Variants in ERICH3 observed in about 807,000 individuals in gnomAD.
ERICH3 encodes glutamate-rich protein 3.
A neutral mutation model predicts 131.1 loss-of-function variants in ERICH3; 126 were observed. That is an observed-to-expected ratio of 0.96 (90% CI 0.83 to 1.11). ERICH3 has a LOEUF of 1.11. Ranked by LOEUF, ERICH3 falls within the 50% of genes most tolerant of loss-of-function variation. The pLI, the probability that ERICH3 is intolerant of heterozygous loss-of-function variation, is 0.00. For synonymous variants in ERICH3, 695 were observed against 644.6 expected (o/e 1.08, Z -1.18); for missense variants, 2,050 against 1,810.7 (o/e 1.13, Z -2.40).
In ERICH3 at chr1:74,612,786, T is replaced by G; in HGVS notation, c.1024A>C (p.Arg342=). 6.3e-7 allele frequency: 1 copy of G among 1,585,000 alleles called. No individual in the cohort carries two copies. Among genetic ancestry groups the G allele is most frequent in the Non-Finnish European group, 8.6e-7 (1 of 1,157,718 alleles). The change falls in exon 9 of 15, where the codon AGG becomes CGG. Residue 342 remains arginine, a synonymous_variant. Transcript: ENST00000326665. ...AGACTGAAGGGGAAACCATGATGCC[T>G]TTTGGAAATAAACTGAAAGGTCTCT... is the stretch of plus-strand genomic sequence containing the variant. The part of the protein sequence containing the change: ...EKETFQFISK[R]HHGFPFSLTF...
At chr1:74,648,473 G>A (rs920980451) in intron 2 of ERICH3, among the ~76,000 whole-genome samples, 5 of 152,080 alleles carry the variant, frequency 3.3e-5, no homozygotes, top group Non-Finnish European at 7.4e-5. Flanking sequence ...GTCTGATAAC[G>A]AATCCTCAGG....
intron 1 of ERICH3, among the ~76,000 whole-genome samples, chr1:74,668,646 T>C (rs573946687): frequency 6.6e-6 from 1 of 152,266 alleles, no homozygotes; most frequent in Non-Finnish European, 1.5e-5. Context: ...TCTACTTACA[T>C]GAACATGTTT....
chr1:74,624,598 C>G (rs1174670121), intron 7 of ERICH3: 1 of 152,138 alleles, frequency 6.6e-6, no homozygotes, highest in Non-Finnish European at 1.5e-5. Flanking sequence ...CACCTCAATC[C>G]TTACAGAGGC....
At chr1:74,583,515 C>T (rs983686920) in intron 12 of ERICH3, among the ~76,000 whole-genome samples, 9 of 151,946 alleles carry the variant, frequency 5.9e-5, no homozygotes, top group Admixed American at 3.3e-4. Flanking sequence ...CTCTGTCTGT[C>T]TTATTATACT....
intron 5 of ERICH3, among the ~76,000 whole-genome samples, chr1:74,640,750 A>G (rs1414057694): frequency 1.3e-5 from 2 of 152,156 alleles, no homozygotes; most frequent in Non-Finnish European, 2.9e-5. Context: ...TGTACATTTA[A>G]TTATTTTTAT....
In ERICH3 at chr1:74,568,731, G is replaced by C. The variant is rs887154330; in HGVS notation, c.*1727C>G. 1 of 152,166 alleles carries C rather than the reference G, an allele frequency of 6.6e-6. No individual in the cohort carries two copies. Among genetic ancestry groups the C allele is most frequent in the Admixed American group, 6.5e-5 (1 of 15,270 alleles). The allele number at this position is 152,166 out of a possible 1,614,324, so 9.4% of individuals were successfully genotyped here. On this transcript the variant is annotated 3_prime_UTR_variant, in exon 15 of 15. Transcript: ENST00000326665. ...ACAGATAAATCAGAAGACAGGAAAA[G>C]ACAGAGAGACATAGAGAGGCAAAGA...
chr1:74,589,348 G>A, intron 12 of ERICH3: 1 of 540,196 alleles, frequency 1.9e-6, no homozygotes. Flanking sequence ...CACATACTGT[G>A]CTTTATTTCA....
intron 11 of ERICH3, among the ~76,000 whole-genome samples, 165 bp downstream of exon 11, chr1:74,599,530 A>C (rs2100576875): frequency 6.6e-6 from 1 of 152,046 alleles, no homozygotes; most frequent in South Asian, 2.1e-4. Flanking sequence ...CCATGACATA[A>C]GTTTATCTGT....
intron 1 of ERICH3, among the ~76,000 whole-genome samples, chr1:74,659,877 T>C (rs541361859): frequency 1.4e-4 from 22 of 152,242 alleles, no homozygotes; most frequent in Non-Finnish European, 3.2e-4. Flanking sequence ...CTGGATTCAT[T>C]CTAAGAAGCA....
At chr1:74,632,092 AG>A (rs1229491534) in intron 6 of ERICH3, among the ~76,000 whole-genome samples, 164 bp from the exon 7 acceptor site, 1 of 152,148 alleles carries the variant, frequency 6.6e-6, no homozygotes, top group African/African-American at 2.4e-5. Context: ...GACACTTTGT[AG>A]TATCTGCGGC....
At chr1:74,616,345 G>A (rs1648964293) in intron 8 of ERICH3, among the ~76,000 whole-genome samples, 1 of 152,164 alleles carries the variant, frequency 6.6e-6, no homozygotes, top group African/African-American at 2.4e-5. Context: ...ATAAGGGCAA[G>A]CAACAGGCCA....
At position 74,579,606 on chromosome 1, in the gene ERICH3, G is replaced by C. The variant is rs529102342; in HGVS notation, c.2177-2670C>G. The C allele has an allele frequency of 1.4e-5, 14 of 985,374 alleles. 1 individual carries two copies. In the Admixed American group the frequency reaches 8.0e-4, roughly 56 times the overall value. The allele number at this position is 985,374 out of a possible 1,614,324, so 61.0% of individuals were successfully genotyped here. ...CTTACTAGGTGTGAAACCAGAAAAG[G>C]CTTCACTTGGTCGTTTTTTCTCAGA... On this transcript the variant is annotated intron_variant, in intron 12 of 14. Coordinates refer to ENST00000326665, the MANE Select transcript of ERICH3 (RefSeq NM_001002912.5).
At chr1:74,655,514 A>C (rs1447192964) in intron 1 of ERICH3, among the ~76,000 whole-genome samples, 1 of 152,104 alleles carries the variant, frequency 6.6e-6, no homozygotes, top group Non-Finnish European at 1.5e-5. Flanking sequence ...TCACAATGAT[A>C]TCTCTCTGGT....
At chr1:74,666,195 G>A (rs1646690569) in intron 1 of ERICH3, among the ~76,000 whole-genome samples, 1 of 152,184 alleles carries the variant, frequency 6.6e-6, no homozygotes, top group East Asian at 1.9e-4. Flanking sequence ...AGAAAAAACT[G>A]CACTTCACAG....
At chr1:74,671,061 C>T (rs1646738276) in intron 1 of ERICH3, among the ~76,000 whole-genome samples, 1 of 152,190 alleles carries the variant, frequency 6.6e-6, no homozygotes, top group Non-Finnish European at 1.5e-5. Flanking sequence ...CAGACCATTT[C>T]TCTGCTCTCA....
intron 12 of ERICH3, 103 bp from the exon 13 acceptor site, chr1:74,577,039 T>C (rs901181118): frequency 2.1e-5 from 20 of 960,508 alleles, no homozygotes; most frequent in Non-Finnish European, 3.1e-5. Flanking sequence ...CAAATTCACC[T>C]AGCTGTTCAA....
Position 74,568,368 on chromosome 1 carries a change from A to C in ERICH3, c.*2090T>G, listed in dbSNP as rs1360096558. 6.6e-6 allele frequency: 1 copy of C among 152,106 alleles called. No individual in the cohort carries two copies. The highest frequency in any genetic ancestry group is 1.9e-4 in the East Asian group (1 of 5,196). The allele number at this position is 152,106 out of a possible 1,614,324, so 9.4% of individuals were successfully genotyped here. A position where few individuals can be genotyped will look rare whatever the true frequency, so the allele number is the denominator to read the frequency against. ...CTATTTAGCACATTGTACAAAACTAATTTTTCAATGGGATTAATACATTTA... is the reference window on the plus strand; with the variant it reads ...CTATTTAGCACATTGTACAAAACTACTTTTTCAATGGGATTAATACATTTA... On this transcript the variant is annotated 3_prime_UTR_variant, in exon 15 of 15. Coordinates refer to ENST00000326665, the MANE Select transcript of ERICH3 (RefSeq NM_001002912.5).
intron 5 of ERICH3, among the ~76,000 whole-genome samples, chr1:74,638,820 G>A (rs138708277): frequency 1.3e-5 from 2 of 152,254 alleles, no homozygotes; most frequent in East Asian, 3.9e-4. Flanking sequence ...ATACCATCTT[G>A]GCTTTTATGG....
chr1:74,635,491 C>A (rs1646380586), intron 6 of ERICH3, among the ~76,000 whole-genome samples: 1 of 152,082 alleles, frequency 6.6e-6, no homozygotes, highest in South Asian at 2.1e-4. Context: ...ATAAAAATAT[C>A]TTAATTTCAT....
Sources: allele counts gnomAD v4.1 joint callset (sites outside exome capture counted in the v4.1 genomes callset), GRCh38; gene constraint gnomAD v4.1.1; transcripts MANE v1.5; gene names NCBI Gene and HGNC (gene_info 2026-07-23, HGNC 2026-07-21).